Variants in DLGAP2 observed in about 807,000 individuals in gnomAD.
DLGAP2 encodes the protein disks large-associated protein 2.
In DLGAP2, 26 loss-of-function variants were observed where a neutral mutation model predicts 100.3. That is an observed-to-expected ratio of 0.26 (90% CI 0.19 to 0.36). DLGAP2 has a LOEUF of 0.36. DLGAP2 is among the 10% of genes least tolerant of loss of function. The pLI, the probability that DLGAP2 is intolerant of heterozygous loss-of-function variation, is 1.00. For missense variants in DLGAP2, 1,858 were observed against 1,453.2 expected (o/e 1.28, Z -4.53); for synonymous variants, 886 against 630.1 (o/e 1.41, Z -6.08).
rs553346353 is a variant in DLGAP2, at chr8:1,182,679, T to G, written c.74-76172T>G. On this transcript the variant is annotated intron_variant, in intron 2 of 14. Transcript: ENST00000637795. Reference sequence around the variant, plus strand: ...TGGTGAGTTGGGCATTGAGCTGCCGTAGGTCACTGAGTCTGCCCTGCCATC... The same window carrying G: ...TGGTGAGTTGGGCATTGAGCTGCCGGAGGTCACTGAGTCTGCCCTGCCATC... Among the ~76,000 whole-genome samples the G allele has an allele frequency of 5.3e-5, 8 of 152,270 alleles. No homozygotes were observed. In the East Asian group the frequency reaches 1.5e-3, roughly 29 times the overall value.
At chr8:911,461 C>T (rs1318184714) in intron 2 of DLGAP2, among the ~76,000 whole-genome samples, 4 of 151,648 alleles carry the variant, frequency 2.6e-5, no homozygotes, top group African/African-American at 7.3e-5. Flanking sequence ...TGGAAGGATG[C>T]TGGAGAATGT....
At chr8:1,507,448 G>A (rs1375272365) in intron 4 of DLGAP2, among the ~76,000 whole-genome samples, 2 of 152,152 alleles carry the variant, frequency 1.3e-5, no homozygotes, top group Non-Finnish European at 2.9e-5. Context: ...CTCCAAGTGC[G>A]GGGCCGCGGA....
At chr8:1,111,054 A>G (rs1169596648) in intron 2 of DLGAP2, among the ~76,000 whole-genome samples, 1 of 152,126 alleles carries the variant, frequency 6.6e-6, no homozygotes, top group Non-Finnish European at 1.5e-5. Context: ...CCCGTGTGCC[A>G]CCTGCACGCC....
chr8:1,369,616 T>G (rs1279876720), intron 3 of DLGAP2: 1 of 152,268 alleles, frequency 6.6e-6, no homozygotes, highest in African/African-American at 2.4e-5. Flanking sequence ...GCTACATTCC[T>G]TTAGGTGGAA....
At chr8:1,591,629 C>G (rs1719504917) in intron 6 of DLGAP2, among the ~76,000 whole-genome samples, 1 of 152,182 alleles carries the variant, frequency 6.6e-6, no homozygotes, top group African/African-American at 2.4e-5. Flanking sequence ...ACACCCGATA[C>G]TTGTCACACA....
At chr8:805,959 G>A (rs963040545) in intron 1 of DLGAP2, among the ~76,000 whole-genome samples, 1 of 152,370 alleles carries the variant, frequency 6.6e-6, no homozygotes, top group African/African-American at 2.4e-5. Context: ...AACTTGGTCT[G>A]TGAGTTCCTG....
intron 4 of DLGAP2, among the ~76,000 whole-genome samples, chr8:1,534,496 A>T (rs1801086775): frequency 1.3e-5 from 2 of 152,368 alleles, no homozygotes; most frequent in South Asian, 4.1e-4. Flanking sequence ...TTAATCGAAA[A>T]TGTAATGAAA....
chr8:1,279,888 C>A (rs181031813), intron 3 of DLGAP2, among the ~76,000 whole-genome samples: 1 of 152,160 alleles, frequency 6.6e-6, no homozygotes, highest in Non-Finnish European at 1.5e-5. Flanking sequence ...CCAGTCTACA[C>A]GCCAAGGAAG....
At chr8:1,001,270 C>T (rs1800947977) in intron 2 of DLGAP2, among the ~76,000 whole-genome samples, 1 of 152,174 alleles carries the variant, frequency 6.6e-6, no homozygotes, top group African/African-American at 2.4e-5. Context: ...TCTCCACTGG[C>T]TCTGTCAGAA....
chr8:808,608 C>T (rs903040146), intron 1 of DLGAP2, among the ~76,000 whole-genome samples: 3 of 152,094 alleles, frequency 2.0e-5, no homozygotes, highest in African/African-American at 4.8e-5. Context: ...GCACCCAGGG[C>T]GGAGCCTGTG....
At chr8:950,845 C>T (rs983178907) in intron 2 of DLGAP2, among the ~76,000 whole-genome samples, 2 of 151,796 alleles carry the variant, frequency 1.3e-5, no homozygotes, top group African/African-American at 4.8e-5. Context: ...AGGCTGGTCT[C>T]GATTTCCTGA....
chr8:898,133 C>T (rs766709462), intron 1 of DLGAP2, among the ~76,000 whole-genome samples: 4 of 152,192 alleles, frequency 2.6e-5, no homozygotes, highest in African/African-American at 7.2e-5. Flanking sequence ...GGCAGTAAAC[C>T]GTACAGCAGG....
intron 2 of DLGAP2, among the ~76,000 whole-genome samples, chr8:1,202,847 C>T (rs1325337079): frequency 2.6e-5 from 4 of 152,230 alleles, no homozygotes; most frequent in Admixed American, 2.0e-4. Flanking sequence ...AAAAAGCAGC[C>T]ATGTCTTGTC....
intron 4 of DLGAP2, among the ~76,000 whole-genome samples, chr8:1,527,789 C>T (rs904963425): frequency 6.6e-6 from 1 of 152,158 alleles, no homozygotes; most frequent in South Asian, 2.1e-4. Context: ...GGACACAGTG[C>T]ACGCGTTTAG....
At position 1,089,417 on chromosome 8, in the gene DLGAP2, G is replaced by A. The variant is rs375343787; in HGVS notation, c.74-169434G>A. On this transcript the variant is annotated intron_variant, in intron 2 of 14. Transcript: ENST00000637795. The stretch of plus-strand genomic sequence containing the variant: ...CCCTCACTCATAACCGTGGGCTGGT[G>A]AGACTCCATCGCCTTCCTCCAGCAT... 2.6e-4 allele frequency among the ~76,000 whole-genome samples: 39 copies of A among 152,326 alleles called. No individual in the cohort carries two copies. The East Asian group carries it at 3.7e-3, about 14-fold the overall frequency.
rs535559426 is a variant in DLGAP2, at chr8:1,337,774, A to G, written c.106+78891A>G. Among the ~76,000 whole-genome samples, 6 of 152,334 alleles carry G rather than the reference A, an allele frequency of 3.9e-5. No individual in the cohort carries two copies. In the South Asian group the frequency reaches 1.0e-3, roughly 26 times the overall value. ...GAAAATACAACCGATAAAATGGTAG[A>G]AAATATCTGCAAATCAGTTATCTGA... On this transcript the variant is annotated intron_variant, in intron 3 of 14. Coordinates refer to ENST00000637795, the MANE Select transcript of DLGAP2 (RefSeq NM_001346810.2).
At chr8:819,811 C>G (rs1001555187) in intron 1 of DLGAP2, among the ~76,000 whole-genome samples, 1 of 152,150 alleles carries the variant, frequency 6.6e-6, no homozygotes, top group Non-Finnish European at 1.5e-5. Flanking sequence ...TGGAGTGGTG[C>G]TTGCGTGGCT....
At chr8:1,512,097 A>G (rs1800186925) in intron 4 of DLGAP2, among the ~76,000 whole-genome samples, 1 of 152,220 alleles carries the variant, frequency 6.6e-6, no homozygotes, top group Non-Finnish European at 1.5e-5. Flanking sequence ...GGCAGGGCTG[A>G]GGGCCGACGG....
At chr8:1,221,643 T>C (rs142955422) in intron 2 of DLGAP2, among the ~76,000 whole-genome samples, 6 of 152,324 alleles carry the variant, frequency 3.9e-5, no homozygotes, top group Admixed American at 1.3e-4. Flanking sequence ...TATCAACCTC[T>C]CTGGCAATGT....
Sources: allele counts gnomAD v4.1 joint callset (sites outside exome capture counted in the v4.1 genomes callset), GRCh38; gene constraint gnomAD v4.1.1; transcripts MANE v1.5; gene names NCBI Gene and HGNC (gene_info 2026-07-23, HGNC 2026-07-21).